The following DACH1 variants were observed in gnomAD, a reference collection of about 807,000 sequenced individuals.
DACH1 encodes the protein dachshund homolog 1.
Under a neutral mutation model 54.2 loss-of-function variants are expected in DACH1, and 12 were observed. The ratio of observed to expected loss-of-function variants is 0.22; its 90% CI spans 0.14 to 0.36. The LOEUF (loss-of-function observed/expected upper bound fraction) is 0.36, where lower values mean the gene tolerates loss of function less well. Ranked by LOEUF, DACH1 falls within the 10% of genes least tolerant of loss-of-function variation. The probability of loss-of-function intolerance (pLI) is 1.00; values close to 1 mark genes in which losing one functional copy is unlikely to be tolerated. For synonymous variants in DACH1, 386 were observed against 366.2 expected (o/e 1.05, Z -0.62); for missense variants, 805 against 929.8 (o/e 0.87, Z 1.75).
At chr13:71,832,120 T>C (rs1289076144) in intron 1 of DACH1, among the ~76,000 whole-genome samples, 1 of 151,954 alleles carries the variant, frequency 6.6e-6, no homozygotes, top group Non-Finnish European at 1.5e-5. Flanking sequence ...TTGAGAAGCA[T>C]TTGCGTGCTT....
At chr13:71,778,007 C>T (rs969083805) in intron 1 of DACH1, among the ~76,000 whole-genome samples, 2 of 151,552 alleles carry the variant, frequency 1.3e-5, no homozygotes, top group African/African-American at 2.4e-5. Context: ...GTCCCAGCTA[C>T]TTGGGAGGCT....
intron 1 of DACH1, among the ~76,000 whole-genome samples, chr13:71,844,478 A>C (rs1873090632): frequency 1.3e-5 from 2 of 152,204 alleles, no homozygotes; most frequent in Admixed American, 1.3e-4. Context: ...GAGGGGAGGC[A>C]TTGCTAAATA....
intron 6 of DACH1, among the ~76,000 whole-genome samples, chr13:71,498,667 A>AAG (rs10664435): frequency 0.89 from 134,110 of 150,612 alleles, 61,409 homozygotes; most frequent in East Asian, 0.99. Flanking sequence ...GAAAAAAAAA[A>AAG]AAAACCACCA....
Position 71,683,846 on chromosome 13 carries a change from T to G in DACH1, c.849-1936A>C, listed in dbSNP as rs75158882. ...AAATATATATCTATAGCCCATATCT[T>G]TCTCCTGGGATTCAGACAGATGAAT... is the stretch of plus-strand genomic sequence containing the variant. On this transcript the variant is annotated intron_variant, in intron 1 of 10. Coordinates refer to ENST00000613252, the MANE Select transcript of DACH1 (RefSeq NM_080759.6). Among the ~76,000 whole-genome samples, 6 of 152,184 alleles carry G rather than the reference T, an allele frequency of 3.9e-5. No homozygotes were observed. In the East Asian group the frequency reaches 9.7e-4, roughly 25 times the overall value.
chr13:71,501,888 T>C (rs1463679262), intron 6 of DACH1, among the ~76,000 whole-genome samples: 2 of 152,170 alleles, frequency 1.3e-5, no homozygotes, highest in Non-Finnish European at 2.9e-5. Context: ...GTTTTACTAG[T>C]GTTATACTTA....
At chr13:71,614,395 G>T (rs1875596838) in intron 3 of DACH1, among the ~76,000 whole-genome samples, 2 of 152,054 alleles carry the variant, frequency 1.3e-5, no homozygotes, top group African/African-American at 4.8e-5. Context: ...ACTATTTACA[G>T]AATCCTGAGA....
intron 1 of DACH1, among the ~76,000 whole-genome samples, chr13:71,751,436 A>T (rs896360850): frequency 2.0e-5 from 3 of 152,204 alleles, no homozygotes; most frequent in African/African-American, 7.2e-5. Flanking sequence ...TGTCCATTCT[A>T]GTGAATACCA....
intron 1 of DACH1, among the ~76,000 whole-genome samples, chr13:71,801,063 G>A (rs927357584): frequency 1.2e-4 from 16 of 129,948 alleles, no homozygotes; most frequent in African/African-American, 5.1e-4. Flanking sequence ...GTAACTTACA[G>A]ACAAGCACAC....
At chr13:71,469,623 T>C (rs1412877596) in intron 10 of DACH1, among the ~76,000 whole-genome samples, 1 of 152,186 alleles carries the variant, frequency 6.6e-6, no homozygotes, top group Non-Finnish European at 1.5e-5. Context: ...GCCCCCTCTT[T>C]TGCACAATAA....
intron 1 of DACH1, among the ~76,000 whole-genome samples, chr13:71,776,774 C>T (rs1371391374): frequency 6.6e-6 from 1 of 152,128 alleles, no homozygotes; most frequent in Admixed American, 6.6e-5. Context: ...AGCATCTTTT[C>T]TACACCCCAA....
At chr13:71,670,815 T>C (rs1880164916) in intron 2 of DACH1, among the ~76,000 whole-genome samples, 1 of 152,066 alleles carries the variant, frequency 6.6e-6, no homozygotes. Flanking sequence ...TCATTTGACA[T>C]TCATGACAAT....
chr13:71,693,582 T>C (rs930954628), intron 1 of DACH1, among the ~76,000 whole-genome samples: 1 of 149,890 alleles, frequency 6.7e-6, no homozygotes, highest in African/African-American at 2.5e-5. Flanking sequence ...CCTCCCAAAG[T>C]GCTGGGATTA....
chr13:71,793,473 G>A (rs900875972), intron 1 of DACH1, among the ~76,000 whole-genome samples: 3 of 152,108 alleles, frequency 2.0e-5, no homozygotes, highest in African/African-American at 7.2e-5. Context: ...AGACAAAAGG[G>A]AAGTAAGTAT....
chr13:71,703,968 T>C lies in DACH1; in HGVS notation c.849-22058A>G, dbSNP rs75928588. Among the ~76,000 whole-genome samples, 623 of 152,240 alleles carry C rather than the reference T, an allele frequency of 4.1e-3. 2 individuals are homozygous for C. The highest frequency in any genetic ancestry group is 0.014 in the African/African-American group (580 of 41,548). ...GAATACAGGCCTAAAATGAAGTTATTACAATGTGAAAAAATTTTACTGAGT... is the reference window on the plus strand; with the variant it reads ...GAATACAGGCCTAAAATGAAGTTATCACAATGTGAAAAAATTTTACTGAGT... On this transcript the variant is annotated intron_variant, in intron 1 of 10. Transcript: ENST00000613252.
chr13:71,709,325 C>A (rs1358895643), intron 1 of DACH1, among the ~76,000 whole-genome samples: 1 of 151,938 alleles, frequency 6.6e-6, no homozygotes, highest in East Asian at 1.9e-4. Flanking sequence ...GTTTCAATTA[C>A]CCCTGCCAAC....
At chr13:71,649,766 T>C (rs1405714446) in intron 2 of DACH1, among the ~76,000 whole-genome samples, 1 of 152,244 alleles carries the variant, frequency 6.6e-6, no homozygotes, top group Non-Finnish European at 1.5e-5. Context: ...AAGGACATTT[T>C]ATTACTAGAA....
intron 10 of DACH1, among the ~76,000 whole-genome samples, chr13:71,470,177 T>A (rs574297087): frequency 3.9e-5 from 6 of 152,338 alleles, no homozygotes. Context: ...ATCTAAGTAT[T>A]TATAGAATCC....
At chr13:71,601,127 G>T (rs1341124400) in intron 3 of DACH1, among the ~76,000 whole-genome samples, 1 of 151,886 alleles carries the variant, frequency 6.6e-6, no homozygotes, top group Admixed American at 6.6e-5. Flanking sequence ...TAATTAATAG[G>T]CGAATAACGC....
At chr13:71,798,572 A>G (rs1352817185) in intron 1 of DACH1, among the ~76,000 whole-genome samples, 1 of 151,854 alleles carries the variant, frequency 6.6e-6, no homozygotes, top group Non-Finnish European at 1.5e-5. Flanking sequence ...TTATTTAAAT[A>G]TGTTAATATT....
Sources: allele counts gnomAD v4.1 joint callset (sites outside exome capture counted in the v4.1 genomes callset), GRCh38; gene constraint gnomAD v4.1.1; transcripts MANE v1.5; gene names NCBI Gene and HGNC (gene_info 2026-07-23, HGNC 2026-07-21).